DEPDC5: variants seen among roughly 807,000 people sequenced by gnomAD.
DEPDC5 encodes the protein DEP domain containing 5, GATOR1 subcomplex subunit.
In DEPDC5, 73 loss-of-function variants were observed where a neutral mutation model predicts 217.3. The ratio of observed to expected loss-of-function variants is 0.34; its 90% confidence interval spans 0.28 to 0.41. The LOEUF (loss-of-function observed/expected upper bound fraction) is 0.41, where lower values mean the gene tolerates loss of function less well. DEPDC5 is among the 10% of genes least tolerant of loss of function. The pLI, the probability that DEPDC5 is intolerant of heterozygous loss-of-function variation, is 1.00. For synonymous variants in DEPDC5, 733 were observed against 756.7 expected (o/e 0.97, Z 0.51); for missense variants, 1,675 against 2,070.1 (o/e 0.81, Z 3.70).
At chr22:31,888,240 GTTTTTTTTTTTTTTTTTT>G (rs71184531) in intron 38 of DEPDC5, among the ~76,000 whole-genome samples, 1 of 66,352 alleles carries the variant, frequency 1.5e-5, no homozygotes, top group African/African-American at 6.4e-5. Context: ...TTTGTCTGTG[GTTTTTTTTTTTTTTTTTT>G]TTTTTTTTGG....
At chr22:31,817,981 T>C (rs1210377872) in intron 21 of DEPDC5, among the ~76,000 whole-genome samples, 1 of 152,160 alleles carries the variant, frequency 6.6e-6, no homozygotes, top group Non-Finnish European at 1.5e-5. Context: ...AGTATTACAG[T>C]GTATGAGGTT....
At chr22:31,808,103 A>AT (rs1182899214) in intron 18 of DEPDC5, among the ~76,000 whole-genome samples, 3 of 151,720 alleles carry the variant, frequency 2.0e-5, no homozygotes, top group African/African-American at 7.3e-5. Flanking sequence ...CACCATGATT[A>AT]TTTTATTTTT....
intron 31 of DEPDC5, 65 bp downstream of exon 31, chr22:31,847,032 G>C: frequency 6.2e-7 from 1 of 1,604,156 alleles, no homozygotes; most frequent in Non-Finnish European, 8.5e-7. Context: ...TCAGTGCCCT[G>C]TTCCCTTGAG....
chr22:31,828,961 G>C (rs2090378351), intron 24 of DEPDC5, among the ~76,000 whole-genome samples: 1 of 152,208 alleles, frequency 6.6e-6, no homozygotes, highest in African/African-American at 2.4e-5. Context: ...TGTGATCTCT[G>C]CTAAATGAGG....
chr22:31,878,022 C>T (rs1003757626), intron 37 of DEPDC5, among the ~76,000 whole-genome samples: 15 of 151,530 alleles, frequency 9.9e-5, no homozygotes, highest in Admixed American at 5.9e-4. Flanking sequence ...CCCATCTCTA[C>T]TAAAAAATAC....
intron 10 of DEPDC5, 113 bp downstream of exon 10, chr22:31,784,988 C>G: frequency 1.2e-6 from 1 of 845,774 alleles, no homozygotes; most frequent in Non-Finnish European, 1.8e-6. Flanking sequence ...AGGTAAAACC[C>G]GGACTCCAGA....
chr22:31,815,972 TA>T, intron 21 of DEPDC5: 1 of 989,792 alleles, frequency 1.0e-6, no homozygotes, highest in Non-Finnish European at 1.2e-6. Context: ...GTGCCATATA[TA>T]AAACAACCTC....
At chr22:31,867,925 A>G (rs1346191262) in intron 33 of DEPDC5, among the ~76,000 whole-genome samples, 2 of 152,218 alleles carry the variant, frequency 1.3e-5, no homozygotes, top group African/African-American at 2.4e-5. Flanking sequence ...GGCAATGCCT[A>G]AGAGCCACTC....
At chr22:31,898,538 T>C (rs1278653655) in intron 40 of DEPDC5, among the ~76,000 whole-genome samples, 1 of 152,192 alleles carries the variant, frequency 6.6e-6, no homozygotes, top group Non-Finnish European at 1.5e-5. Flanking sequence ...AAACAACATT[T>C]GACGTAAGAG....
At chr22:31,897,676 G>C (rs1402560848) in intron 40 of DEPDC5, 23 bp downstream of exon 40, 2 of 1,611,476 alleles carry the variant, frequency 1.2e-6, no homozygotes, top group East Asian at 2.2e-5. Context: ...CCCTTCTGGA[G>C]GTTGTCTCAA....
At chr22:31,856,860 C>T (rs1240736524) in intron 31 of DEPDC5, among the ~76,000 whole-genome samples, 1 of 152,150 alleles carries the variant, frequency 6.6e-6, no homozygotes, top group East Asian at 1.9e-4. Flanking sequence ...ACCTCTGCCT[C>T]CTGAGTTCAA....
chr22:31,838,585 T>G, intron 26 of DEPDC5, 100 bp from the exon 27 acceptor site: 1 of 1,477,966 alleles, frequency 6.8e-7, no homozygotes, highest in Non-Finnish European at 9.2e-7. Context: ...CATAGAATGG[T>G]TATAAGGGGA....
intron 33 of DEPDC5, among the ~76,000 whole-genome samples, chr22:31,864,252 G>A (rs960969264): frequency 1.3e-5 from 2 of 151,222 alleles, no homozygotes; most frequent in African/African-American, 4.8e-5. Context: ...GGGATTACAG[G>A]CATGCACCAC....
intron 22 of DEPDC5, among the ~76,000 whole-genome samples, chr22:31,819,899 G>A (rs528084423): frequency 6.6e-6 from 1 of 152,182 alleles, no homozygotes; most frequent in South Asian, 2.1e-4. Flanking sequence ...TGGTTACAAG[G>A]AGTTATGTTG....
chr22:31,799,143 A>T (rs923830986), intron 14 of DEPDC5, among the ~76,000 whole-genome samples: 3 of 150,256 alleles, frequency 2.0e-5, no homozygotes, highest in Admixed American at 6.7e-5. Context: ...TCCTGGGTTC[A>T]GGCGATTCTC....
intron 41 of DEPDC5, 128 bp from the exon 42 acceptor site, chr22:31,905,856 A>G: frequency 1.2e-6 from 1 of 801,254 alleles, no homozygotes; most frequent in South Asian, 1.8e-5. Flanking sequence ...CTGCATGTGC[A>G]ATCTGGAAAG....
chr22:31,792,143 G>T, intron 11 of DEPDC5, 41 bp downstream of exon 11: 1 of 1,463,122 alleles, frequency 6.8e-7, no homozygotes. Flanking sequence ...TTTTTGTTAA[G>T]CTTCCCCCAA....
chr22:31,865,116 G>A (rs974019043), intron 33 of DEPDC5, among the ~76,000 whole-genome samples: 1 of 152,136 alleles, frequency 6.6e-6, no homozygotes, highest in Non-Finnish European at 1.5e-5. Context: ...GTAAGCCACC[G>A]CACCCAGCCG....
chr22:31,843,971 A>G (rs1303810260), intron 29 of DEPDC5, among the ~76,000 whole-genome samples, 159 bp downstream of exon 29: 1 of 151,818 alleles, frequency 6.6e-6, no homozygotes, highest in Non-Finnish European at 1.5e-5. Flanking sequence ...CATGCCTGTA[A>G]TCCCAGCAAT....
Sources: allele counts gnomAD v4.1 joint callset (sites outside exome capture counted in the v4.1 genomes callset), GRCh38; gene constraint gnomAD v4.1.1; transcripts MANE v1.5; gene names NCBI Gene and HGNC (gene_info 2026-07-23, HGNC 2026-07-21).